Variants in TRAIP observed in about 807,000 individuals in gnomAD.
The protein encoded by TRAIP is TRAF interacting protein.
In TRAIP, 37 loss-of-function variants were observed where a neutral mutation model predicts 65.0. That is an observed-to-expected ratio of 0.57 (90% CI 0.44 to 0.75). The LOEUF (loss-of-function observed/expected upper bound fraction) is 0.75. Among genes scored for constraint, TRAIP ranks in the 30% least tolerant of loss-of-function variants. The pLI is 0.00. For missense variants in TRAIP, 481 were observed against 579.4 expected (o/e 0.83, Z 1.74); for synonymous variants, 187 against 219.1 (o/e 0.85, Z 1.29).
intron 11 of TRAIP, 138 bp downstream of exon 11, chr3:49,831,778 C>G: frequency 1.0e-6 from 1 of 968,922 alleles, no homozygotes; most frequent in Non-Finnish European, 1.4e-6. Context: ...CAAGAGGTAG[C>G]TGGAACCAAA....
At chr3:49,850,747 C>T (rs1348095383) in intron 1 of TRAIP, among the ~76,000 whole-genome samples, 1 of 148,106 alleles carries the variant, frequency 6.8e-6, no homozygotes, top group Non-Finnish European at 1.5e-5. Flanking sequence ...CTCCACCTCC[C>T]AGGTTCAAGC....
intron 11 of TRAIP, among the ~76,000 whole-genome samples, chr3:49,830,381 T>C (rs2081721418): frequency 6.6e-6 from 1 of 152,172 alleles, no homozygotes; most frequent in African/African-American, 2.4e-5. Flanking sequence ...CCAGGCTCTA[T>C]ATGGGGCTGA....
At chr3:49,833,635 A>G (rs1243995746) in intron 10 of TRAIP, among the ~76,000 whole-genome samples, 1 of 151,782 alleles carries the variant, frequency 6.6e-6, no homozygotes, top group Non-Finnish European at 1.5e-5. Flanking sequence ...GCCCGCCACC[A>G]CGCCCAGCTA....
chr3:49,834,251 T>G (rs1173997495), intron 10 of TRAIP, among the ~76,000 whole-genome samples: 3 of 152,020 alleles, frequency 2.0e-5, no homozygotes, highest in Non-Finnish European at 4.4e-5. Flanking sequence ...TAGTTGGGGG[T>G]GGTGGCTACA....
intron 8 of TRAIP, 48 bp downstream of exon 8, chr3:49,840,937 C>G: frequency 1.9e-6 from 3 of 1,567,612 alleles, no homozygotes; most frequent in Non-Finnish European, 1.8e-6. Context: ...GTGAACATGA[C>G]AAAAGGAGAG....
At position 49,853,425 on chromosome 3, in the gene TRAIP, C is replaced by T. The variant is rs560319515; in HGVS notation, c.98+2931G>A. 9.2e-5 allele frequency among the ~76,000 whole-genome samples: 14 copies of T among 151,830 alleles called. No homozygotes were observed. In the East Asian group the frequency reaches 1.7e-3, roughly 19 times the overall value. ...TTTGAGACCAGCCTGGCTAACATAG[C>T]GAGACCTTGTCTCTAAAAACAATAA... is the stretch of plus-strand genomic sequence containing the variant. On this transcript the variant is annotated intron_variant, in intron 1 of 14. Transcript: ENST00000331456.
At chr3:49,836,180 T>C (rs1241454478) in intron 10 of TRAIP, among the ~76,000 whole-genome samples, 1 of 151,842 alleles carries the variant, frequency 6.6e-6, no homozygotes, top group Non-Finnish European at 1.5e-5. Context: ...TTTATTAATT[T>C]TCCTAATTTT....
intron 1 of TRAIP, among the ~76,000 whole-genome samples, chr3:49,853,630 G>C (rs1390170355): frequency 6.6e-6 from 1 of 152,070 alleles, no homozygotes; most frequent in African/African-American, 2.4e-5. Context: ...CGGATCACGA[G>C]GTCAGGAGTT....
chr3:49,834,929 C>A (rs2081767568), intron 10 of TRAIP, among the ~76,000 whole-genome samples: 1 of 152,206 alleles, frequency 6.6e-6, no homozygotes, highest in Non-Finnish European at 1.5e-5. Context: ...CTGCCAGGCA[C>A]AGTAGCTCAC....
Position 49,849,846 on chromosome 3 carries a change from T to C in TRAIP, c.99-1646A>G, listed in dbSNP as rs1390572884. The stretch of plus-strand genomic sequence containing the variant: ...GTACATTTTCTTTTCTTTTCTTTTT[T>C]TTTTTTTTTTTTTTTTTTGAGATGG... On this transcript the variant is annotated intron_variant, in intron 1 of 14. Transcript: ENST00000331456. Among the ~76,000 whole-genome samples the C allele has an allele frequency of 2.3e-3, 325 of 138,550 alleles. No individual in the cohort carries two copies. In the Middle Eastern group the frequency reaches 0.025, roughly 11 times the overall value. The allele number at this position is 138,550 out of a possible 152,430, so 90.9% of individuals were successfully genotyped here. A position where few individuals can be genotyped will look rare whatever the true frequency, so the allele number is the denominator to read the frequency against.
Position 49,829,719 on chromosome 3 carries a change from A to G in TRAIP, c.1134T>C (p.Asp378=). Residue 378 remains aspartate (D), a synonymous_variant, in exon 13 of 15, where the codon GAT becomes GAC. Coordinates refer to ENST00000331456, the MANE Select transcript of TRAIP (RefSeq NM_005879.3). ...TAGGGAAGGCACCAACCAGTTCCTC[A>G]TCTGGCTCTCCTGCACAGCTCTGGC... The part of the protein sequence containing the change: ...LGGQSCAGEP[D]EELVGAFPIF... 6.2e-7 allele frequency: 1 copy of G among 1,614,166 alleles called. No individual in the cohort carries two copies. Among genetic ancestry groups the G allele is most frequent in the Non-Finnish European group, 8.5e-7 (1 of 1,180,014 alleles).
In TRAIP at chr3:49,849,931, T is replaced by C. The variant is rs573485512; in HGVS notation, c.99-1731A>G. ...GTGTGATCTTGGCTTACTGCAACCT[T>C]CGCCTCCCAGGCTCGAGCAATCCTC... On this transcript the variant is annotated intron_variant, in intron 1 of 14. Transcript: ENST00000331456. 3.5e-3 allele frequency among the ~76,000 whole-genome samples: 527 copies of C among 148,686 alleles called. 6 individuals carry two copies. The highest frequency in any genetic ancestry group is 6.1e-3 in the South Asian group (28 of 4,592).
chr3:49,840,411 G>A (rs770027906), intron 8 of TRAIP, 38 bp from the exon 9 acceptor site: 1 of 1,577,888 alleles, frequency 6.3e-7, no homozygotes, highest in Non-Finnish European at 8.7e-7. Context: ...CAAGCCAAGT[G>A]GTAGCCTTGT....
chr3:49,828,864 A>G lies in TRAIP; in HGVS notation c.*239T>C. ...CTATAAACAGGAGCCTGGCAACAGG[A>G]GCAGGACCTGCTGACAGGATCAGTG... On this transcript the variant is annotated 3_prime_UTR_variant, in exon 15 of 15. Coordinates refer to ENST00000331456, the MANE Select transcript of TRAIP (RefSeq NM_005879.3). 1 of 526,448 alleles carries G rather than the reference A, an allele frequency of 1.9e-6. No individual in the cohort carries two copies. The highest frequency in any genetic ancestry group is 3.5e-6 in the Non-Finnish European group (1 of 289,750). 32.6% of individuals were successfully genotyped at this position (526,448 alleles called of 1,614,324 possible). A position where few individuals can be genotyped will look rare whatever the true frequency, so the allele number is the denominator to read the frequency against.
intron 4 of TRAIP, among the ~76,000 whole-genome samples, chr3:49,844,290 T>C (rs903510722): frequency 1.3e-5 from 2 of 151,944 alleles, no homozygotes; most frequent in Admixed American, 6.6e-5. Flanking sequence ...GGTAACCCCC[T>C]CCCATCTTGG....
At chr3:49,838,387 G>A (rs116059251) in intron 10 of TRAIP, among the ~76,000 whole-genome samples, 83 of 152,300 alleles carry the variant, frequency 5.4e-4, no homozygotes, top group African/African-American at 1.8e-3. Context: ...AGGTGGGCCC[G>A]TCCCCAACTG....
At chr3:49,840,947 G>A in intron 8 of TRAIP, 38 bp downstream of exon 8, 1 of 1,576,380 alleles carries the variant, frequency 6.3e-7, no homozygotes, top group Non-Finnish European at 8.7e-7. Flanking sequence ...CAAAAGGAGA[G>A]CCACTTCTCC....
chr3:49,856,088 C>T (rs1559453738), intron 1 of TRAIP, among the ~76,000 whole-genome samples: 2 of 152,256 alleles, frequency 1.3e-5, no homozygotes, highest in African/African-American at 4.8e-5. Context: ...TTTGAAATCA[C>T]ATCTGTTTGT....
chr3:49,842,595 C>A, intron 5 of TRAIP, 48 bp from the exon 6 acceptor site: 1 of 1,556,212 alleles, frequency 6.4e-7, no homozygotes, highest in Non-Finnish European at 8.8e-7. Context: ...CCCTCAGGAG[C>A]CATTGCTAAA....
Sources: gnomAD v4.1 joint callset for allele counts (sites outside exome capture counted in the v4.1 genomes callset) on GRCh38, gnomAD v4.1.1 for gene constraint, MANE v1.5 for transcripts, NCBI Gene and HGNC (gene_info 2026-07-23, HGNC 2026-07-21) for gene names.